Variants in PAX7 observed in about 807,000 individuals in gnomAD.
PAX7 encodes paired box 7, also known as paired box protein Pax-7.
Under a neutral mutation model 50.7 loss-of-function variants are expected in PAX7, and 18 were observed. That is an observed-to-expected ratio of 0.36 (90% CI 0.25 to 0.53). The LOEUF (loss-of-function observed/expected upper bound fraction) is 0.53. PAX7 is among the 20% of genes least tolerant of loss of function. The pLI is 0.93. For synonymous variants in PAX7, 310 were observed against 290.4 expected (o/e 1.07, Z -0.69); for missense variants, 644 against 702.9 (o/e 0.92, Z 0.95).
In PAX7 at chr1:18,687,250, G is replaced by T. The variant is rs12058792; in HGVS notation, c.587-4504G>T. 1.7e-3 allele frequency among the ~76,000 whole-genome samples: 265 copies of T among 152,214 alleles called. 3 individuals carry two copies. Among genetic ancestry groups the T allele is most frequent in the African/African-American group, 6.0e-3 (249 of 41,528 alleles). ...TCCAGGGAGGGAGGCATACAAGGGT[G>T]TATTGTTATCTTCATTTTTATAGCG... On this transcript the variant is annotated intron_variant, in intron 4 of 8. Transcript: ENST00000420770.
At position 18,631,618 on chromosome 1, in the gene PAX7, C is replaced by A. The variant is rs758262026; in HGVS notation, c.15C>A (p.Pro5=). The stretch of plus-strand genomic sequence containing the variant: ...CGTGCGCAAGAATGGCGGCCCTTCC[C>A]GGCACGGTACCGAGAATGATGCGGC... MAAL[P]GTVPRMMRPA... The change falls in exon 1 of 9, where the codon CCC becomes CCA. Residue 5 remains proline, a synonymous_variant. Transcript: ENST00000420770. The A allele has an allele frequency of 1.2e-6, 2 of 1,612,460 alleles. No individual in the cohort carries two copies. The highest frequency in any genetic ancestry group is 1.7e-6 in the Non-Finnish European group (2 of 1,179,662).
At chr1:18,736,663 G>T (rs1361235833) in intron 8 of PAX7, among the ~76,000 whole-genome samples, 1 of 152,034 alleles carries the variant, frequency 6.6e-6, no homozygotes, top group African/African-American at 2.4e-5. Flanking sequence ...TTTTAATTCG[G>T]ACACTGAGTT....
intron 4 of PAX7, among the ~76,000 whole-genome samples, chr1:18,662,657 G>A (rs919372873): frequency 5.3e-5 from 8 of 152,082 alleles, no homozygotes; most frequent in Admixed American, 1.3e-4. Context: ...TGCAGCCTCC[G>A]CCTCCTGAGT....
chr1:18,694,468 A>ATAAATAAG (rs1325556751), intron 5 of PAX7, among the ~76,000 whole-genome samples: 1,584 of 67,436 alleles, frequency 0.023, 46 homozygotes, highest in African/African-American at 0.087. Flanking sequence ...TCGAAAATAA[A>ATAAATAAG]TAAATAAATA....
intron 5 of PAX7, among the ~76,000 whole-genome samples, chr1:18,695,118 T>C (rs2089134374): frequency 6.6e-6 from 1 of 152,012 alleles, no homozygotes; most frequent in South Asian, 2.1e-4. Flanking sequence ...TCCAGCTCCA[T>C]GTCTTACCCT....
chr1:18,648,227 G>T (rs1351596875), intron 4 of PAX7, among the ~76,000 whole-genome samples: 3 of 151,442 alleles, frequency 2.0e-5, no homozygotes, highest in African/African-American at 4.9e-5. Flanking sequence ...AACCACAGCT[G>T]TTTTCCCCAC....
intron 7 of PAX7, among the ~76,000 whole-genome samples, chr1:18,728,929 C>T (rs767529482): frequency 8.6e-5 from 13 of 152,026 alleles, no homozygotes; most frequent in East Asian, 7.8e-4. Flanking sequence ...ACAGTCAAGA[C>T]GGAGAACCAG....
intron 1 of PAX7, among the ~76,000 whole-genome samples, chr1:18,633,029 G>C (rs1212848647): frequency 1.3e-5 from 2 of 152,176 alleles, no homozygotes; most frequent in Admixed American, 6.5e-5. Context: ...TTGGGCGCTC[G>C]AGAGCTCTTG....
chr1:18,631,337 GTGTT>G lies in PAX7; in HGVS notation c.-256_-253del, dbSNP rs1179998948. 3.0e-5 allele frequency: 14 copies of G among 464,340 alleles called. No individual in the cohort carries two copies. Among genetic ancestry groups the G allele is most frequent in the Middle Eastern group, 5.9e-4 (1 of 1,708 alleles). 28.8% of individuals were successfully genotyped at this position (464,340 alleles called of 1,614,324 possible). Reference sequence around the variant, plus strand: ...CGGCAGAGGCGGACTTGGGGTTGGAGTGTTTGTTTGTTTGAACTTCCTCGTCGTC... The same window carrying G: ...CGGCAGAGGCGGACTTGGGGTTGGAGTGTTTGTTTGAACTTCCTCGTCGTC... On this transcript the variant is annotated 5_prime_UTR_variant, in exon 1 of 9. Coordinates refer to ENST00000420770, the MANE Select transcript of PAX7 (RefSeq NM_001135254.2).
intron 4 of PAX7, among the ~76,000 whole-genome samples, chr1:18,638,704 T>C (rs1272299944): frequency 6.6e-6 from 1 of 152,160 alleles, no homozygotes; most frequent in Non-Finnish European, 1.5e-5. Context: ...AGGGAGTGTG[T>C]AGATGGGTGT....
intron 4 of PAX7, among the ~76,000 whole-genome samples, chr1:18,671,979 A>G (rs1252825700): frequency 6.9e-6 from 1 of 144,002 alleles, no homozygotes. Context: ...CCTGTCTCTT[A>G]AAAAAAAAAA....
chr1:18,728,182 G>A (rs2089597730), intron 7 of PAX7, among the ~76,000 whole-genome samples: 2 of 152,162 alleles, frequency 1.3e-5, no homozygotes, highest in South Asian at 4.1e-4. Context: ...GTGAGCTGAC[G>A]AAGGCGGAGT....
chr1:18,660,511 A>G (rs1263748448), intron 4 of PAX7, among the ~76,000 whole-genome samples: 2 of 152,162 alleles, frequency 1.3e-5, no homozygotes, highest in East Asian at 1.9e-4. Flanking sequence ...TGGAGTCATC[A>G]TAATTTAAGA....
intron 4 of PAX7, among the ~76,000 whole-genome samples, chr1:18,659,682 C>CTCTTGCCTGAGAGGTGCTCTTG (rs1163985265): frequency 6.6e-6 from 1 of 152,172 alleles, no homozygotes; most frequent in Non-Finnish European, 1.5e-5. Context: ...GAGGTGGGAA[C>CTCTTGCCTGAGAGGTGCTCTTG]CCTGCCTCTG....
intron 8 of PAX7, among the ~76,000 whole-genome samples, chr1:18,740,426 C>A (rs1483167629): frequency 6.6e-6 from 1 of 152,186 alleles, no homozygotes; most frequent in Non-Finnish European, 1.5e-5. Flanking sequence ...AATGCAGACT[C>A]CTCCTCCATG....
chr1:18,693,652 G>A (rs2089109051), intron 5 of PAX7, among the ~76,000 whole-genome samples: 1 of 152,170 alleles, frequency 6.6e-6, no homozygotes, highest in South Asian at 2.1e-4. Context: ...GGGGAAAGAG[G>A]CGGGAGGCAG....
At chr1:18,662,982 A>G (rs563487711) in intron 4 of PAX7, among the ~76,000 whole-genome samples, 1 of 152,182 alleles carries the variant, frequency 6.6e-6, no homozygotes, top group South Asian at 2.1e-4. Context: ...TCTGCTTCCT[A>G]CTCTCCAGAG....
intron 4 of PAX7, among the ~76,000 whole-genome samples, chr1:18,651,264 A>T (rs1472659621): frequency 6.6e-6 from 1 of 152,188 alleles, no homozygotes; most frequent in Non-Finnish European, 1.5e-5. Context: ...GATCCCTAAA[A>T]GTCTATATGC....
rs1295468253 is a variant in PAX7, at chr1:18,631,441, A to AGGGGTGG, written c.-152_-146dup. ...CTTCTGGACGCGTTTGACTGCAGCC[A>AGGGGTGG]GGGGTGGGGGGTGGGGGTAGGGAGT... On this transcript the variant is annotated 5_prime_UTR_variant, in exon 1 of 9. Coordinates refer to ENST00000420770, the MANE Select transcript of PAX7 (RefSeq NM_001135254.2). 8 of 618,486 alleles carry AGGGGTGG rather than the reference A, an allele frequency of 1.3e-5. No homozygotes were observed. The highest frequency in any genetic ancestry group is 7.9e-4 in the Middle Eastern group (2 of 2,532). 38.3% of individuals were successfully genotyped at this position (618,486 alleles called of 1,614,324 possible).
Sources: allele counts gnomAD v4.1 joint callset (sites outside exome capture counted in the v4.1 genomes callset), GRCh38; gene constraint gnomAD v4.1.1; transcripts MANE v1.5; gene names NCBI Gene and HGNC (gene_info 2026-07-23, HGNC 2026-07-21).